Variants in HS3ST4 observed in about 807,000 individuals in gnomAD.
The protein encoded by HS3ST4 is heparan sulfate-glucosamine 3-sulfotransferase 4.
In HS3ST4, 17 loss-of-function variants were observed where a neutral mutation model predicts 29.2. That is an observed-to-expected ratio of 0.58 (90% CI 0.40 to 0.87). The LOEUF (loss-of-function observed/expected upper bound fraction) is 0.87. Among genes scored for constraint, HS3ST4 ranks in the 40% least tolerant of loss-of-function variants. The probability of loss-of-function intolerance (pLI) is 0.00; values close to 1 mark genes in which losing one functional copy is unlikely to be tolerated. For missense variants in HS3ST4, 627 were observed against 634.5 expected (o/e 0.99, Z 0.13); for synonymous variants, 314 against 285.7 (o/e 1.10, Z -1.00).
intron 1 of HS3ST4, among the ~76,000 whole-genome samples, chr16:25,956,725 G>C (rs903956012): frequency 6.6e-6 from 1 of 151,966 alleles, no homozygotes; most frequent in Non-Finnish European, 1.5e-5. Flanking sequence ...TTGGCTGGGC[G>C]TGGTGGCTCA....
chr16:26,042,035 T>G (rs1393645283), intron 1 of HS3ST4, among the ~76,000 whole-genome samples: 1 of 152,204 alleles, frequency 6.6e-6, no homozygotes, highest in Non-Finnish European at 1.5e-5. Context: ...TGATGCATAA[T>G]TGTTCCTGGC....
chr16:25,926,339 G>A (rs1020105730), intron 1 of HS3ST4, among the ~76,000 whole-genome samples: 4 of 152,134 alleles, frequency 2.6e-5, no homozygotes, highest in Non-Finnish European at 4.4e-5. Context: ...ACTATCCTTC[G>A]TAAGCATTTG....
chr16:25,973,428 A>G (rs2141707539), intron 1 of HS3ST4, among the ~76,000 whole-genome samples: 1 of 152,342 alleles, frequency 6.6e-6, no homozygotes, highest in Middle Eastern at 3.4e-3. Flanking sequence ...GCTCATAACA[A>G]TGTGGCAGAA....
At chr16:26,065,208 G>A (rs1235281951) in intron 1 of HS3ST4, among the ~76,000 whole-genome samples, 2 of 152,160 alleles carry the variant, frequency 1.3e-5, no homozygotes, top group Non-Finnish European at 2.9e-5. Flanking sequence ...CAATAGCAAA[G>A]CCATGGAGTC....
intron 1 of HS3ST4, among the ~76,000 whole-genome samples, chr16:25,832,289 A>G (rs937826456): frequency 2.6e-5 from 4 of 152,270 alleles, no homozygotes; most frequent in East Asian, 3.9e-4. Flanking sequence ...TTAATCCATA[A>G]TAAAGAAAGT....
In HS3ST4 at chr16:25,728,697, A is replaced by G. The variant is rs1009289978; in HGVS notation, c.734+35546A>G. On this transcript the variant is annotated intron_variant, in intron 1 of 1. Coordinates refer to ENST00000331351, the MANE Select transcript of HS3ST4 (RefSeq NM_006040.3). ...TCAGAGACTCGGTGGGATAGTGGCA[A>G]CGATACAAACCAACACTCCAGAAGA... is the stretch of plus-strand genomic sequence containing the variant. 2.0e-5 allele frequency among the ~76,000 whole-genome samples: 3 copies of G among 152,232 alleles called. No homozygotes were observed. In the East Asian group the frequency reaches 5.8e-4, roughly 29 times the overall value.
chr16:25,781,783 G>A (rs889213683), intron 1 of HS3ST4, among the ~76,000 whole-genome samples: 3 of 152,140 alleles, frequency 2.0e-5, no homozygotes, highest in African/African-American at 7.2e-5. Context: ...ACTATCTGAG[G>A]AAAGATGTTT....
chr16:25,756,154 GCACA>G (rs71997199), intron 1 of HS3ST4, among the ~76,000 whole-genome samples: 39,689 of 132,538 alleles, frequency 0.3, 6,026 homozygotes, highest in East Asian at 0.75. Context: ...ACACACACAC[GCACA>G]CACACACACA....
At chr16:25,821,093 A>T (rs1011112081) in intron 1 of HS3ST4, among the ~76,000 whole-genome samples, 173 of 138,210 alleles carry the variant, frequency 1.3e-3, no homozygotes, top group African/African-American at 4.7e-3. Context: ...AGTCTTGCTC[A>T]GTCGCCCAGG....
chr16:26,044,366 G>C (rs1898241650), intron 1 of HS3ST4, among the ~76,000 whole-genome samples: 1 of 152,220 alleles, frequency 6.6e-6, no homozygotes, highest in African/African-American at 2.4e-5. Context: ...CTGGAGAGGG[G>C]AGAAGGGCTG....
chr16:25,692,735 G>T lies in HS3ST4; in HGVS notation c.318G>T (p.Ala106=). The T allele has an allele frequency of 7.8e-7, 1 of 1,278,010 alleles. No homozygotes were observed. Among genetic ancestry groups the T allele is most frequent in the South Asian group, 2.8e-5 (1 of 35,428 alleles). 79.2% of individuals were successfully genotyped at this position (1,278,010 alleles called of 1,614,324 possible). ...QPPAPPPLDN[A]SHGEPPEPPE... ...CCGCGCCGCCGCCGCTGGACAACGC[G>T]AGCCACGGGGAGCCGCCCGAGCCCC... The change falls in exon 1 of 2, where the codon GCG becomes GCT. Residue 106 remains alanine (A), a synonymous_variant. Coordinates refer to ENST00000331351, the MANE Select transcript of HS3ST4 (RefSeq NM_006040.3).
Position 26,114,571 on chromosome 16 carries a change from G to A in HS3ST4, c.735-21041G>A, listed in dbSNP as rs80301373. 8.0e-4 allele frequency among the ~76,000 whole-genome samples: 122 copies of A among 152,328 alleles called. 2 individuals are homozygous for A. In the East Asian group the frequency reaches 0.021, roughly 26 times the overall value. On this transcript the variant is annotated intron_variant, in intron 1 of 1. Coordinates refer to ENST00000331351, the MANE Select transcript of HS3ST4 (RefSeq NM_006040.3). ...GAAAAATACATATGTGCCATATGGT[G>A]TGACGGGTCAATAGTGGAAGCAGAG...
chr16:25,757,976 C>G (rs1027304913), intron 1 of HS3ST4, among the ~76,000 whole-genome samples: 1 of 152,118 alleles, frequency 6.6e-6, no homozygotes, highest in East Asian at 1.9e-4. Context: ...ATCTTCTAAG[C>G]GGCACACAAT....
At chr16:26,036,833 A>G (rs1477868431) in intron 1 of HS3ST4, among the ~76,000 whole-genome samples, 2 of 152,334 alleles carry the variant, frequency 1.3e-5, no homozygotes, top group East Asian at 3.9e-4. Context: ...AAAGCCTTAA[A>G]AAGAATGCAT....
At chr16:25,970,141 C>A (rs114777568) in intron 1 of HS3ST4, among the ~76,000 whole-genome samples, 1 of 152,320 alleles carries the variant, frequency 6.6e-6, no homozygotes, top group African/African-American at 2.4e-5. Flanking sequence ...ACAGCAGGTG[C>A]GAATGCAAGG....
chr16:25,740,403 A>G (rs1164359100), intron 1 of HS3ST4, among the ~76,000 whole-genome samples: 2 of 152,194 alleles, frequency 1.3e-5, no homozygotes, highest in Non-Finnish European at 2.9e-5. Context: ...TTTCGTTAGT[A>G]TAAATATTTG....
chr16:25,958,905 G>GT (rs1302062680), intron 1 of HS3ST4, among the ~76,000 whole-genome samples: 2 of 152,188 alleles, frequency 1.3e-5, no homozygotes, highest in African/African-American at 4.8e-5. Flanking sequence ...CCTTCAAAAT[G>GT]TGTGATCACT....
intron 1 of HS3ST4, among the ~76,000 whole-genome samples, chr16:25,703,439 C>T (rs1162811862): frequency 6.6e-6 from 1 of 152,188 alleles, no homozygotes; most frequent in East Asian, 1.9e-4. Flanking sequence ...TGATATTACC[C>T]ACGCCTTACA....
chr16:25,716,034 G>A (rs1377406618), intron 1 of HS3ST4, among the ~76,000 whole-genome samples: 1 of 152,224 alleles, frequency 6.6e-6, no homozygotes, highest in Non-Finnish European at 1.5e-5. Flanking sequence ...TCCCTGTGAA[G>A]CATGTCCTGT....
Sources: allele counts gnomAD v4.1 joint callset (sites outside exome capture counted in the v4.1 genomes callset), GRCh38; gene constraint gnomAD v4.1.1; transcripts MANE v1.5; gene names NCBI Gene and HGNC (gene_info 2026-07-23, HGNC 2026-07-21).